The following CTNNA2 variants were observed in gnomAD, a reference collection of about 807,000 sequenced individuals.
CTNNA2 encodes catenin alpha-2.
CTNNA2 carries 42 observed loss-of-function variants against 101.0 expected under a neutral mutation model. That is an observed-to-expected ratio of 0.42 (90% CI 0.32 to 0.54). CTNNA2 has a LOEUF of 0.54. Among genes scored for constraint, CTNNA2 ranks in the 20% least tolerant of loss-of-function variants. The probability of loss-of-function intolerance (pLI) is 0.14; values close to 1 mark genes in which losing one functional copy is unlikely to be tolerated. For synonymous variants in CTNNA2, 450 were observed against 456.4 expected (o/e 0.99, Z 0.18); for missense variants, 871 against 1,223.1 (o/e 0.71, Z 4.29).
At chr2:80,616,971 C>G (rs906923806) in intron 17 of CTNNA2, among the ~76,000 whole-genome samples, 15 of 151,656 alleles carry the variant, frequency 9.9e-5, no homozygotes, top group African/African-American at 3.6e-4. Context: ...AGACAATAGG[C>G]AATTATAAGA....
chr2:79,925,996 A>G (rs1686994073), intron 7 of CTNNA2, among the ~76,000 whole-genome samples: 1 of 152,132 alleles, frequency 6.6e-6, no homozygotes, highest in Non-Finnish European at 1.5e-5. Context: ...ACGATAGAAT[A>G]GAGAAGCCCA....
intron 1 of CTNNA2, among the ~76,000 whole-genome samples, chr2:79,570,553 G>T (rs548558509): frequency 6.6e-6 from 1 of 152,150 alleles, no homozygotes; most frequent in Non-Finnish European, 1.5e-5. Flanking sequence ...GACAGTACTT[G>T]TATATCACAC....
chr2:79,227,280 A>G (rs1674428957), intron 2 of CTNNA2, among the ~76,000 whole-genome samples: 2 of 152,160 alleles, frequency 1.3e-5, no homozygotes, highest in South Asian at 4.1e-4. Flanking sequence ...TATGCAATGA[A>G]CCCAGGGGTA....
At chr2:79,975,389 G>C (rs1310236818) in intron 7 of CTNNA2, among the ~76,000 whole-genome samples, 3 of 152,162 alleles carry the variant, frequency 2.0e-5, no homozygotes, top group African/African-American at 7.2e-5. Flanking sequence ...GACCCCAGAT[G>C]TGTGGGAGTT....
chr2:79,432,909 C>G (rs1174848711), intron 4 of CTNNA2, among the ~76,000 whole-genome samples: 1 of 152,190 alleles, frequency 6.6e-6, no homozygotes, highest in Non-Finnish European at 1.5e-5. Flanking sequence ...AAATGGGACT[C>G]TAGCCAAGCC....
intron 2 of CTNNA2, among the ~76,000 whole-genome samples, chr2:79,302,569 G>C (rs750688376): frequency 6.6e-6 from 1 of 152,078 alleles, no homozygotes; most frequent in African/African-American, 2.4e-5. Context: ...GAAGATTGAG[G>C]TATCTTGAGA....
chr2:79,413,349 C>T (rs1014630958), intron 4 of CTNNA2, among the ~76,000 whole-genome samples: 4 of 151,724 alleles, frequency 2.6e-5, no homozygotes, highest in Admixed American at 2.6e-4. Context: ...AATGTAATGT[C>T]CTCTAGCTTC....
At chr2:79,956,866 T>TTTTTTTTTTTTTA (rs1689273177) in intron 7 of CTNNA2, among the ~76,000 whole-genome samples, 1 of 112,422 alleles carries the variant, frequency 8.9e-6, no homozygotes, top group Non-Finnish European at 1.9e-5. Flanking sequence ...TTTTTTTTTT[T>TTTTTTTTTTTTTA]TTCAGTGTAT....
chr2:79,507,352 G>C (rs996930254), intron 5 of CTNNA2, among the ~76,000 whole-genome samples: 1 of 152,108 alleles, frequency 6.6e-6, no homozygotes, highest in Admixed American at 6.6e-5. Context: ...GAGGTGTTTA[G>C]GTCATGAATG....
chr2:79,355,557 A>C (rs1383220136), intron 3 of CTNNA2, among the ~76,000 whole-genome samples: 1 of 152,174 alleles, frequency 6.6e-6, no homozygotes, highest in African/African-American at 2.4e-5. Flanking sequence ...AAATATTTTC[A>C]TCACTGCCAA....
At chr2:79,380,419 A>G (rs926732922) in intron 4 of CTNNA2, among the ~76,000 whole-genome samples, 2 of 151,852 alleles carry the variant, frequency 1.3e-5, no homozygotes, top group African/African-American at 4.8e-5. Flanking sequence ...GGCAAACATT[A>G]GTCTGTCAAG....
intron 7 of CTNNA2, among the ~76,000 whole-genome samples, chr2:80,273,474 G>C (rs1284074656): frequency 6.6e-6 from 1 of 152,050 alleles, no homozygotes; most frequent in East Asian, 1.9e-4. Context: ...ACAGCATTTT[G>C]ATTGGATCAT....
intron 7 of CTNNA2, among the ~76,000 whole-genome samples, chr2:80,040,704 A>C (rs1427875625): frequency 6.6e-6 from 1 of 152,226 alleles, no homozygotes; most frequent in Non-Finnish European, 1.5e-5. Context: ...ATTCACTCCC[A>C]GGCCTCTGTG....
intron 7 of CTNNA2, among the ~76,000 whole-genome samples, chr2:80,150,288 C>T (rs1301306480): frequency 6.6e-6 from 1 of 152,124 alleles, no homozygotes; most frequent in East Asian, 1.9e-4. Flanking sequence ...TTCACAATTC[C>T]ATCTCAAACT....
chr2:79,574,398 CTGT>C (rs1381928426), intron 1 of CTNNA2, among the ~76,000 whole-genome samples: 12 of 152,056 alleles, frequency 7.9e-5, no homozygotes, highest in Admixed American at 2.0e-4. Flanking sequence ...GCTCCTGTAT[CTGT>C]TGTTCTTTTC....
chr2:80,621,017 AATAC>A (rs1264696824), intron 18 of CTNNA2, among the ~76,000 whole-genome samples: 38 of 152,056 alleles, frequency 2.5e-4, no homozygotes, highest in African/African-American at 7.9e-4. Flanking sequence ...TTAATTTTAA[AATAC>A]ATACATATAT....
intron 7 of CTNNA2, among the ~76,000 whole-genome samples, chr2:79,943,215 G>C (rs117437373): frequency 0.013 from 1,975 of 152,092 alleles, 109 homozygotes; most frequent in Admixed American, 0.098. Flanking sequence ...GAGCGGGGGT[G>C]GGGCAGGGGG....
intron 4 of CTNNA2, among the ~76,000 whole-genome samples, chr2:79,483,139 G>T (rs1671125776): frequency 6.6e-6 from 1 of 152,146 alleles, no homozygotes; most frequent in Admixed American, 6.5e-5. Context: ...CTTCCTGGCA[G>T]AATCCAGCCA....
rs376520145 is a variant in CTNNA2 at position 80,613,815 on chromosome 2, G to T, written c.2431-5270G>T. 3.3e-5 allele frequency among the ~76,000 whole-genome samples: 5 copies of T among 151,568 alleles called. No homozygotes were observed. In the South Asian group the frequency reaches 1.0e-3, roughly 31 times the overall value. On this transcript the variant is annotated intron_variant, in intron 17 of 18. Transcript: ENST00000402739. ...CTTACCTTAACTGGAGACATGGATT[G>T]ACCTTAATTCGATCTACTACTCTGT...
Sources: allele counts gnomAD v4.1 joint callset (sites outside exome capture counted in the v4.1 genomes callset), GRCh38; gene constraint gnomAD v4.1.1; transcripts MANE v1.5; gene names NCBI Gene and HGNC (gene_info 2026-07-23, HGNC 2026-07-21).